The following TDO2 variants were observed in gnomAD, a reference collection of about 807,000 sequenced individuals.
The protein encoded by TDO2 is tryptamin 2,3-dioxygenase.
TDO2 carries 63 observed loss-of-function variants against 61.2 expected under a neutral mutation model. That is an observed-to-expected ratio of 1.03 (90% CI 0.84 to 1.27). TDO2 has a LOEUF of 1.27. Ranked by LOEUF, TDO2 falls within the 50% of genes most tolerant of loss-of-function variation. The probability of loss-of-function intolerance (pLI) is 0.00; values close to 1 mark genes in which losing one functional copy is unlikely to be tolerated. For synonymous variants in TDO2, 183 were observed against 164.0 expected, an observed-to-expected ratio of 1.12 and a Z score of -0.89; for missense variants, 494 against 469.5, an observed-to-expected ratio of 1.05 and a Z score of -0.48.
rs535389553 is a variant in TDO2, at chr4:155,918,482, T to C, written c.1067+243T>C. On this transcript the variant is annotated intron_variant, in intron 11 of 11. Coordinates refer to ENST00000536354, the MANE Select transcript of TDO2 (RefSeq NM_005651.4). ...ATATGGTATCAATGGCTGCATGATA[T>C]GTGAGGACACAAAGGGTTTAACAGT... Among the ~76,000 whole-genome samples, 13 of 152,340 alleles carry C rather than the reference T, an allele frequency of 8.5e-5. No homozygotes were observed. In the East Asian group the frequency reaches 2.3e-3, roughly 27 times the overall value.
At position 155,916,955 on chromosome 4, in the gene TDO2, A is replaced by C. The variant is rs1742950304; in HGVS notation, c.897-440A>C. 3.3e-5 allele frequency among the ~76,000 whole-genome samples: 5 copies of C among 152,096 alleles called. No homozygotes were observed. In the South Asian group the frequency reaches 1.0e-3, roughly 32 times the overall value. ...GAGAAAGGTGAAGAAATAGATGTAAAAAAACAAAACAAAACAAAACAACAA... is the reference window on the plus strand; with the variant it reads ...GAGAAAGGTGAAGAAATAGATGTAACAAAACAAAACAAAACAAAACAACAA... On this transcript the variant is annotated intron_variant, in intron 9 of 11. Transcript: ENST00000536354.
intron 9 of TDO2, among the ~76,000 whole-genome samples, chr4:155,916,549 A>T (rs11723579): frequency 0.43 from 65,104 of 151,602 alleles, 15,802 homozygotes; most frequent in East Asian, 0.74. Context: ...ATGCTCTAAG[A>T]TTATTCCTGT....
At position 155,919,737 on chromosome 4, in the gene TDO2, TACTA is replaced by T. The variant is rs748836649; in HGVS notation, c.1068-95_1068-92del. 1.7e-4 allele frequency: 169 copies of T among 1,000,734 alleles called. 2 individuals carry two copies. The highest frequency in any genetic ancestry group is 2.1e-4 in the Non-Finnish European group (145 of 693,424). 62.0% of individuals were successfully genotyped at this position (1,000,734 alleles called of 1,614,324 possible). ...ATGCAATATATATTATAATATTGAA[TACTA>T]ACTATGGAAAATATCTGAGAAATAA... On this transcript the variant is annotated intron_variant, in intron 11 of 11. Transcript: ENST00000536354.
At chr4:155,908,700 T>C (rs915799481) in intron 4 of TDO2, among the ~76,000 whole-genome samples, 187 bp from the exon 5 acceptor site, 2 of 152,220 alleles carry the variant, frequency 1.3e-5, no homozygotes, top group Non-Finnish European at 2.9e-5. Flanking sequence ...AGAAAAAATT[T>C]CTTATTTTGC....
chr4:155,905,445 A>G (rs1742702125), intron 3 of TDO2: 1 of 302,534 alleles, frequency 3.3e-6, no homozygotes, highest in Non-Finnish European at 6.0e-6. Flanking sequence ...TTCACAAGTG[A>G]AGATGTTACG....
At chr4:155,911,377 C>A in intron 6 of TDO2, 120 bp from the exon 7 acceptor site, 11 of 509,608 alleles carry the variant, frequency 2.2e-5, no homozygotes, top group South Asian at 3.6e-5. Context: ...ACAAATAAAA[C>A]TTGTAGCATA....
chr4:155,904,531 G>T (rs1742683370), intron 2 of TDO2, among the ~76,000 whole-genome samples: 1 of 152,136 alleles, frequency 6.6e-6, no homozygotes, highest in Non-Finnish European at 1.5e-5. Context: ...GGCACACAGA[G>T]AATTTTCTTA....
At position 155,920,087 on chromosome 4, in the gene TDO2, T is replaced by C. The variant is rs1743016026; in HGVS notation, c.*97T>C. On this transcript the variant is annotated 3_prime_UTR_variant, in exon 12 of 12. Transcript: ENST00000536354. ...TACAGTTTGAATATATGTATGCATA[T>C]ATTGTTCAGCACCACGATGCTCTGA... 8.6e-7 allele frequency: 1 copy of C among 1,163,194 alleles called. No individual in the cohort carries two copies. 72.1% of individuals were successfully genotyped at this position (1,163,194 alleles called of 1,614,324 possible).
chr4:155,911,137 A>G (rs1039644877), intron 6 of TDO2, among the ~76,000 whole-genome samples: 1 of 152,028 alleles, frequency 6.6e-6, no homozygotes, highest in Non-Finnish European at 1.5e-5. Context: ...AGAATAAACC[A>G]GAATATATTA....
At chr4:155,911,696 C>T (rs1312904770) in intron 7 of TDO2, 92 bp downstream of exon 7, 1 of 805,674 alleles carries the variant, frequency 1.2e-6, no homozygotes, top group South Asian at 2.7e-5. Context: ...AACCTTTTCT[C>T]TTTCTCATAT....
intron 7 of TDO2, among the ~76,000 whole-genome samples, chr4:155,913,219 T>G (rs569871549): frequency 1.3e-5 from 2 of 152,236 alleles, no homozygotes; most frequent in East Asian, 3.9e-4. Context: ...ATCTCCCTTT[T>G]GTGTAAAGCC....
Position 155,907,786 on chromosome 4 carries a change from T to C in TDO2, c.297T>C (p.Asn99=). The C allele has an allele frequency of 2.5e-6, 4 of 1,612,722 alleles. No individual in the cohort carries two copies. The East Asian group carries it at 8.9e-5, about 36-fold the overall frequency. ...ATTCTGTTCGAGAGATCTTTCAGAA[T>C]GGCCATGTAAGTTCTTATGTCACAA... ...ELDSVREIFQ[N]GHVRDERNML... Residue 99 remains asparagine (N), a synonymous_variant, in exon 4 of 12, where the codon AAT becomes AAC. Transcript: ENST00000536354.
chr4:155,916,364 T>G (rs1477664860), intron 9 of TDO2, among the ~76,000 whole-genome samples: 1 of 104,046 alleles, frequency 9.6e-6, no homozygotes, highest in Non-Finnish European at 2.0e-5. Flanking sequence ...GAGACGGGGT[T>G]TCACCGTGTT....
At chr4:155,918,303 A>C in intron 11 of TDO2, 64 bp downstream of exon 11, 1 of 1,514,246 alleles carries the variant, frequency 6.6e-7, no homozygotes, top group Non-Finnish European at 9.1e-7. Flanking sequence ...CTCCACCTAT[A>C]CATTTGCTAT....
At chr4:155,904,378 A>G (rs756147114) in intron 2 of TDO2, among the ~76,000 whole-genome samples, 1 of 152,260 alleles carries the variant, frequency 6.6e-6, no homozygotes, top group Non-Finnish European at 1.5e-5. Context: ...CGTATACATG[A>G]TAAGATACAC....
Position 155,910,130 on chromosome 4 carries a change from T to G in TDO2, c.537T>G (p.His179Gln). The G allele has an allele frequency of 6.3e-7, 1 of 1,599,714 alleles. No individual in the cohort carries two copies. The change falls in exon 6 of 12, where the codon CAT (histidine) becomes CAG (glutamine). Residue 179 changes from histidine (H) to glutamine (Q), a missense_variant. Transcript: ENST00000536354. ...QNMRVPYNRR[H>Q]YRDNFKGEEN... The stretch of plus-strand genomic sequence containing the variant: ...TGAGAGTCCCTTATAACAGAAGACA[T>G]TATCGTGATAACTTCAAAGGAGAAG...
chr4:155,917,805 A>T (rs1410686451), intron 10 of TDO2, among the ~76,000 whole-genome samples: 1 of 152,198 alleles, frequency 6.6e-6, no homozygotes, highest in Non-Finnish European at 1.5e-5. Flanking sequence ...ATGCAGTTTT[A>T]AATTTTTAAT....
intron 3 of TDO2, chr4:155,906,815 A>G (rs1027513055): frequency 1.3e-5 from 2 of 152,144 alleles, no homozygotes; most frequent in South Asian, 4.1e-4. Context: ...TAGGTTTCCA[A>G]TTGTAGGTGG....
chr4:155,920,316 C>T lies in TDO2; in HGVS notation c.*326C>T. On this transcript the variant is annotated 3_prime_UTR_variant, in exon 12 of 12. Coordinates refer to ENST00000536354, the MANE Select transcript of TDO2 (RefSeq NM_005651.4). ...ATAAACTTGTAAACTTCATCTATTT[C>T]AAATATTTTATGCAGTACATTATAT... The T allele has an allele frequency of 7.4e-6, 2 of 268,460 alleles. No individual in the cohort carries two copies. The highest frequency in any genetic ancestry group is 1.4e-5 in the Non-Finnish European group (2 of 142,468). The allele number at this position is 268,460 out of a possible 1,614,324, so 16.6% of individuals were successfully genotyped here.
Sources: allele counts gnomAD v4.1 joint callset (sites outside exome capture counted in the v4.1 genomes callset), GRCh38; gene constraint gnomAD v4.1.1; transcripts MANE v1.5; gene names NCBI Gene and HGNC (gene_info 2026-07-23, HGNC 2026-07-21).